Variants in BAHD1 observed in about 807,000 individuals in gnomAD.
BAHD1 encodes the protein bromo adjacent homology domain containing 1, also known as bromo adjacent homology domain-containing 1 protein.
A neutral mutation model predicts 63.1 loss-of-function variants in BAHD1; 20 were observed. The ratio of observed to expected loss-of-function variants is 0.32; its 90% CI spans 0.22 to 0.46. BAHD1 has a LOEUF of 0.46. BAHD1 is among the 20% of genes least tolerant of loss of function. The probability of loss-of-function intolerance (pLI) is 1.00; values close to 1 mark genes in which losing one functional copy is unlikely to be tolerated. For synonymous variants in BAHD1, 408 were observed against 426.8 expected (o/e 0.96, Z 0.54); for missense variants, 939 against 1,071.8 (o/e 0.88, Z 1.73).
chr15:40,446,603 C>T (rs1217133820), intron 1 of BAHD1, among the ~76,000 whole-genome samples: 1 of 152,224 alleles, frequency 6.6e-6, no homozygotes, highest in East Asian at 1.9e-4. Context: ...TGTCTCTCAG[C>T]CTCGCTGATT....
rs944527937 is a variant in BAHD1, at chr15:40,462,177, G to T, written c.1698G>T (p.Arg566Ser). Residue 566 changes from arginine (R) to serine (S), a missense_variant, in exon 3 of 7, where the codon AGG becomes AGT. Coordinates refer to ENST00000416165, the MANE Select transcript of BAHD1 (RefSeq NM_014952.5). ...RHTARSKAAR[R>S]PSHPKQPRVQ... ...CTGCAAGGAGCAAGGCTGCCCGCAG[G>T]CCTAGCCACCCCAAGCAGCCACGTG... 1.2e-6 allele frequency: 2 copies of T among 1,612,114 alleles called. No individual in the cohort carries two copies. The highest frequency in any genetic ancestry group is 2.7e-5 in the African/African-American group (2 of 74,936).
chr15:40,461,903 C>G lies in BAHD1; in HGVS notation c.1433-9C>G, dbSNP rs1420063845. On this transcript the variant is annotated splice_polypyrimidine_tract_variant and intron_variant, in intron 2 of 6. Coordinates refer to ENST00000416165, the MANE Select transcript of BAHD1 (RefSeq NM_014952.5). Reference sequence around the variant, plus strand: ...TTGTCCTGTCCTGACCACTCTCTCCCTTTCCTAGAAGGCTGCAGATCCCTG... The same window carrying G: ...TTGTCCTGTCCTGACCACTCTCTCCGTTTCCTAGAAGGCTGCAGATCCCTG... 23 of 1,581,936 alleles carry G rather than the reference C, an allele frequency of 1.5e-5. No individual in the cohort carries two copies. Among genetic ancestry groups the G allele is most frequent in the Non-Finnish European group, 1.9e-5 (22 of 1,159,860 alleles).
At chr15:40,460,036 C>A in intron 2 of BAHD1, 140 bp downstream of exon 2, 2 of 1,100,186 alleles carry the variant, frequency 1.8e-6, no homozygotes, top group Non-Finnish European at 2.5e-6. Context: ...GAAGTGAGAA[C>A]TCCCGTAGTC....
intron 1 of BAHD1, among the ~76,000 whole-genome samples, chr15:40,457,310 A>G (rs1179040970): frequency 6.8e-6 from 1 of 146,246 alleles, no homozygotes; most frequent in Admixed American, 6.9e-5. Flanking sequence ...GAATATGCTG[A>G]TCCTGGCCTT....
intron 3 of BAHD1, among the ~76,000 whole-genome samples, chr15:40,463,146 A>T (rs562222390): frequency 1.3e-3 from 195 of 152,114 alleles, no homozygotes; most frequent in African/African-American, 4.4e-3. Flanking sequence ...CAGAAAAAAA[A>T]TTTTTTTAAT....
intron 2 of BAHD1, among the ~76,000 whole-genome samples, chr15:40,461,363 C>T (rs1302432930): frequency 1.3e-5 from 2 of 152,128 alleles, no homozygotes; most frequent in African/African-American, 4.8e-5. Flanking sequence ...CAGGGCCAGG[C>T]GCGGTGGCTC....
At chr15:40,461,018 A>G (rs932989829) in intron 2 of BAHD1, among the ~76,000 whole-genome samples, 7 of 152,178 alleles carry the variant, frequency 4.6e-5, no homozygotes, top group Non-Finnish European at 1.0e-4. Context: ...TGCTTTACAT[A>G]TGGGAGGCTG....
At chr15:40,450,669 G>A (rs1893673795) in intron 1 of BAHD1, among the ~76,000 whole-genome samples, 1 of 152,152 alleles carries the variant, frequency 6.6e-6, no homozygotes, top group African/African-American at 2.4e-5. Context: ...GGGTTTTGCT[G>A]CAGGTGTAGG....
chr15:40,463,828 C>A, intron 3 of BAHD1, 33 bp from the exon 4 acceptor site: 5 of 1,611,896 alleles, frequency 3.1e-6, no homozygotes, highest in Non-Finnish European at 4.2e-6. Flanking sequence ...TGTGGCTCTG[C>A]AAGCCTATTT....
intron 4 of BAHD1, 134 bp downstream of exon 4, chr15:40,464,154 T>C: frequency 9.3e-7 from 1 of 1,080,378 alleles, no homozygotes; most frequent in Middle Eastern, 3.1e-4. Context: ...TGCCTTCCAC[T>C]CGGCTGGGGT....
Position 40,462,195 on chromosome 15 carries a change from G to C in BAHD1, c.1716G>C (p.Gln572His), listed in dbSNP as rs762690171. Residue 572 changes from glutamine (Q) to histidine (H), a missense_variant, in exon 3 of 7, where the codon CAG becomes CAC. Around this residue, in one of 5 missense-constraint regions of BAHD1, gnomAD observed 797 missense variants for 813.3 expected, o/e 0.98. Coordinates refer to ENST00000416165, the MANE Select transcript of BAHD1 (RefSeq NM_014952.5). ...CCCGCAGGCCTAGCCACCCCAAGCA[G>C]CCACGTGTCCAGCGCCCACGCCCTC... is the stretch of plus-strand genomic sequence containing the variant. The part of the protein sequence containing the change: ...KAARRPSHPK[Q>H]PRVQRPRPRR... The C allele has an allele frequency of 2.5e-6, 4 of 1,612,564 alleles. No homozygotes were observed. The South Asian group carries it at 4.4e-5, about 18-fold the overall frequency.
chr15:40,441,434 G>C (rs1306126114), intron 1 of BAHD1, among the ~76,000 whole-genome samples, 166 bp downstream of exon 1: 1 of 150,272 alleles, frequency 6.7e-6, no homozygotes, highest in Non-Finnish European at 1.5e-5. Context: ...ACGGACGGAC[G>C]GACGACGCGA....
At chr15:40,440,063 A>T (rs1020824548), upstream of BAHD1, 47 of 152,452 alleles carry the variant, frequency 3.1e-4, no homozygotes, top group African/African-American at 1.1e-3. Context: ...CCTCCCCCGG[A>T]GAGCTCTGAT....
chr15:40,451,268 C>T lies in BAHD1; in HGVS notation c.-14-7183C>T, dbSNP rs549142720. Among the ~76,000 whole-genome samples, 5 of 152,108 alleles carry T rather than the reference C, an allele frequency of 3.3e-5. No homozygotes were observed. In the East Asian group the frequency reaches 5.8e-4, roughly 18 times the overall value. On this transcript the variant is annotated intron_variant, in intron 1 of 6. Coordinates refer to ENST00000416165, the MANE Select transcript of BAHD1 (RefSeq NM_014952.5). ...ACTCCCTACTGGGCTTTTGTTCCCA[C>T]GGTACACGTGGCATAAAGTAGGCCC... is the stretch of plus-strand genomic sequence containing the variant.
chr15:40,466,391 G>A lies in BAHD1; in HGVS notation c.*261G>A, dbSNP rs781285554. The A allele has an allele frequency of 6.9e-5, 13 of 188,286 alleles. No individual in the cohort carries two copies. The highest frequency in any genetic ancestry group is 1.2e-4 in the Non-Finnish European group (11 of 93,950). The allele number at this position is 188,286 out of a possible 1,614,324, so 11.7% of individuals were successfully genotyped here. A position where few individuals can be genotyped will look rare whatever the true frequency, so the allele number is the denominator to read the frequency against. On this transcript the variant is annotated 3_prime_UTR_variant, in exon 7 of 7. Transcript: ENST00000416165. Reference sequence around the variant, plus strand: ...GTGGTTCCCCTGGGTGGAGATTTCCGAAAAGTAGTCTTCTCTGAGGCTGGG... The same window carrying A: ...GTGGTTCCCCTGGGTGGAGATTTCCAAAAAGTAGTCTTCTCTGAGGCTGGG...
In BAHD1 at chr15:40,464,472, A is replaced by G; in HGVS notation, c.1977A>G (p.Gly659=). ...ATAACCACTGTGTTGTCCTTCCAGG[A>G]GAGCTGATGATGAGCCTCCTGTGGT... ...ISALWENPES[G]ELMMSLLWYY... Residue 659 remains glycine (G), a splice_region_variant and synonymous_variant, in exon 5 of 7, where the codon GGA becomes GGG. Transcript: ENST00000416165. The G allele has an allele frequency of 6.2e-7, 1 of 1,612,548 alleles. No individual in the cohort carries two copies. The highest frequency in any genetic ancestry group is 8.5e-7 in the Non-Finnish European group (1 of 1,179,342).
chr15:40,452,837 G>A (rs965836119), intron 1 of BAHD1, among the ~76,000 whole-genome samples: 3 of 152,144 alleles, frequency 2.0e-5, no homozygotes, highest in Admixed American at 6.6e-5. Flanking sequence ...GACTACACCC[G>A]GCCCTCTTGC....
At chr15:40,439,048 GT>G (rs1387693585), upstream of BAHD1, among the ~76,000 whole-genome samples, 4 of 152,224 alleles carry the variant, frequency 2.6e-5, no homozygotes, top group Non-Finnish European at 4.4e-5. Context: ...GAGGTGGGGA[GT>G]AGGGCTGGCC....
intron 1 of BAHD1, among the ~76,000 whole-genome samples, chr15:40,445,821 T>G (rs1893526080): frequency 6.6e-6 from 1 of 152,236 alleles, no homozygotes; most frequent in Admixed American, 6.5e-5. Context: ...TCACTTCCTT[T>G]GTGAACTTGC....
Sources: allele counts gnomAD v4.1 joint callset (sites outside exome capture counted in the v4.1 genomes callset), GRCh38; gene constraint gnomAD v4.1.1; regional missense constraint gnomAD v4.1.1; transcripts MANE v1.5; gene names NCBI Gene and HGNC (gene_info 2026-07-23, HGNC 2026-07-21).